The following SPATA22 variants were observed in gnomAD, a reference collection of about 807,000 sequenced individuals.
The protein encoded by SPATA22 is spermatogenesis-associated protein 22.
A neutral mutation model predicts 47.8 loss-of-function variants in SPATA22; 29 were observed. The observed-to-expected ratio is 0.61, with a 90% CI of 0.45 to 0.83. SPATA22 has a LOEUF of 0.83. Among genes scored for constraint, SPATA22 ranks in the 40% least tolerant of loss-of-function variants. SPATA22 has a pLI of 0.00. For missense variants in SPATA22, 410 were observed against 421.7 expected (o/e 0.97, Z 0.24); for synonymous variants, 133 against 140.9 (o/e 0.94, Z 0.40).
upstream of SPATA22, chr17:3,472,329 G>A (rs2073454899): frequency 6.6e-6 from 1 of 152,532 alleles, no homozygotes; most frequent in African/African-American, 2.4e-5. Context: ...GGGGCTGCGG[G>A]AGCTTGCGGG....
Position 3,462,506 on chromosome 17 carries a change from A to C in SPATA22, c.306T>G (p.Thr102=), listed in dbSNP as rs1035861147. 1 of 1,608,066 alleles carries C rather than the reference A, an allele frequency of 6.2e-7. No homozygotes were observed. Residue 102 remains threonine, a synonymous_variant, in exon 5 of 9, where the codon ACT becomes ACG. Coordinates refer to ENST00000572969, the MANE Select transcript of SPATA22 (RefSeq NM_001170698.2). ...DSVFNSIQSN[T]GRSQGGWSYR... is the part of the protein sequence containing the mutation. The stretch of plus-strand genomic sequence containing the variant: ...ACCTCCAACCACCCTGGCTTCTTCC[A>C]GTATTTGATTGAATAGAGTTAAAGA...
At chr17:3,458,812 A>G (rs1289734561) in intron 5 of SPATA22, among the ~76,000 whole-genome samples, 2 of 126,554 alleles carry the variant, frequency 1.6e-5, no homozygotes, top group Non-Finnish European at 3.2e-5. Context: ...TTGCACTCAC[A>G]TTGTCTTGTT....
At chr17:3,452,808 AC>A (rs2072894625) in intron 5 of SPATA22, among the ~76,000 whole-genome samples, 1 of 152,166 alleles carries the variant, frequency 6.6e-6, no homozygotes, top group South Asian at 2.1e-4. Flanking sequence ...ATACCTAGAA[AC>A]AAGCAACTTA....
intron 1 of SPATA22, chr17:3,498,894 C>A: frequency 6.3e-7 from 1 of 1,575,182 alleles, no homozygotes; most frequent in East Asian, 2.3e-5. Flanking sequence ...CTGAGAGGAT[C>A]AAGACTGGAA....
chr17:3,484,163 C>G (rs1414156361), intron 1 of SPATA22, among the ~76,000 whole-genome samples: 21 of 152,278 alleles, frequency 1.4e-4, no homozygotes, highest in Admixed American at 1.4e-3. Flanking sequence ...TTCTCATTCT[C>G]AAGATTCAGT....
At chr17:3,482,782 T>C (rs1256071412) in intron 1 of SPATA22, among the ~76,000 whole-genome samples, 1 of 151,664 alleles carries the variant, frequency 6.6e-6, no homozygotes, top group Non-Finnish European at 1.5e-5. Flanking sequence ...TTTTTTTTAA[T>C]TTTTTTTAAA....
chr17:3,451,847 T>C (rs2072868066), intron 5 of SPATA22, among the ~76,000 whole-genome samples: 1 of 151,304 alleles, frequency 6.6e-6, no homozygotes, highest in South Asian at 2.1e-4. Flanking sequence ...CTTGGGAGGC[T>C]GAGGCAGAAG....
chr17:3,463,418 A>T (rs2073175383), intron 3 of SPATA22, among the ~76,000 whole-genome samples: 1 of 152,240 alleles, frequency 6.6e-6, no homozygotes, highest in South Asian at 2.1e-4. Context: ...ACCACAGGCA[A>T]TTGTAACATA....
rs2072637886 is a variant in SPATA22 at position 3,443,282 on chromosome 17, T to C, written c.803-11A>G. On this transcript the variant is annotated splice_polypyrimidine_tract_variant and intron_variant, in intron 7 of 8. Coordinates refer to ENST00000572969, the MANE Select transcript of SPATA22 (RefSeq NM_001170698.2). Reference sequence around the variant, plus strand: ...CTGAATCAAGAACAGCTAAGCAATATTGAAATGGGGGAAAAAATGAATGTT... The same window carrying C: ...CTGAATCAAGAACAGCTAAGCAATACTGAAATGGGGGAAAAAATGAATGTT... The C allele has an allele frequency of 3.2e-6, 5 of 1,572,200 alleles. No individual in the cohort carries two copies. The highest frequency in any genetic ancestry group is 1.4e-5 in the African/African-American group (1 of 72,666).
At chr17:3,483,286 T>G (rs1040131633) in intron 1 of SPATA22, among the ~76,000 whole-genome samples, 7 of 152,214 alleles carry the variant, frequency 4.6e-5, no homozygotes, top group African/African-American at 1.7e-4. Context: ...AAAGACACTG[T>G]ATAATTCAAT....
upstream of SPATA22, chr17:3,476,231 G>A: frequency 6.2e-7 from 1 of 1,614,172 alleles, no homozygotes; most frequent in Non-Finnish European, 8.5e-7. Context: ...ATGGGAATGA[G>A]CTAACCGGAG....
exon 1 of SPATA22, chr17:3,513,645 C>T (rs2074142673): frequency 2.8e-6 from 1 of 362,462 alleles, no homozygotes; most frequent in Non-Finnish European, 5.0e-6. Flanking sequence ...TCACCCGGGA[C>T]TTCAGGAGGC....
In SPATA22 at chr17:3,479,810, A is replaced by G. The variant is rs145159486; in HGVS notation, c.-73-10412T>C. Among the ~76,000 whole-genome samples, 16 of 152,338 alleles carry G rather than the reference A, an allele frequency of 1.1e-4. No homozygotes were observed. The East Asian group carries it at 3.1e-3, about 29-fold the overall frequency. On this transcript the variant is annotated intron_variant, in intron 1 of 8. Coordinates refer to the SPATA22 transcript ENST00000541913. ...GTAGGTCCCTTGAAGATACTAGCAA[A>G]AATAACCAAGGAATACAAATAGATG...
rs1351999150 is a variant in SPATA22 at position 3,446,532 on chromosome 17, C to T, written c.742G>A (p.Glu248Lys). 6.2e-7 allele frequency: 1 copy of T among 1,608,780 alleles called. No homozygotes were observed. The part of the protein sequence containing the change: ...SSLRIISAVI[E>K]SMKYWREHAQ... ...TGTTCACGCCAATACTTCATGCTTTCAATAACTGCAGAAATAATTCTTAAA... is the reference window on the plus strand; with the variant it reads ...TGTTCACGCCAATACTTCATGCTTTTAATAACTGCAGAAATAATTCTTAAA... The change falls in exon 7 of 9, where the codon GAA becomes AAA. Residue 248 changes from glutamate (E) to lysine (K), a missense_variant. Coordinates refer to ENST00000572969, the MANE Select transcript of SPATA22 (RefSeq NM_001170698.2).
At chr17:3,440,455 A>T in intron 8 of SPATA22, 117 bp from the exon 9 acceptor site, 1 of 831,532 alleles carries the variant, frequency 1.2e-6, no homozygotes, top group Non-Finnish European at 1.8e-6. Context: ...TAATTCCTTC[A>T]CGTGAGTCAG....
chr17:3,471,915 C>A (rs1345294743), upstream of SPATA22: 3 of 962,608 alleles, frequency 3.1e-6, no homozygotes, highest in South Asian at 1.4e-4. Flanking sequence ...CTTGGCCGGG[C>A]GCGATGACGT....
chr17:3,500,796 G>A (rs12943687), intron 1 of SPATA22: 26,426 of 152,246 alleles, frequency 0.17, 2,573 homozygotes, highest in Middle Eastern at 0.3. Flanking sequence ...GAGCCACCAC[G>A]CCCGGCCCAA....
intron 6 of SPATA22, among the ~76,000 whole-genome samples, chr17:3,447,907 T>C (rs888952860): frequency 6.6e-6 from 1 of 152,176 alleles, no homozygotes; most frequent in Non-Finnish European, 1.5e-5. Context: ...CTCAGGATGA[T>C]GCACTACATA....
chr17:3,479,036 G>T (rs2073581589), intron 1 of SPATA22, among the ~76,000 whole-genome samples: 1 of 152,120 alleles, frequency 6.6e-6, no homozygotes, highest in South Asian at 2.1e-4. Flanking sequence ...GACCCTTCCT[G>T]TCATCTATTT....
Sources: gnomAD v4.1 joint callset for allele counts (sites outside exome capture counted in the v4.1 genomes callset) on GRCh38, gnomAD v4.1.1 for gene constraint, MANE v1.5 for transcripts, NCBI Gene and HGNC (gene_info 2026-07-23, HGNC 2026-07-21) for gene names.